Variants in SLC6A11 observed in about 807,000 individuals in gnomAD.
SLC6A11 encodes sodium- and chloride-dependent GABA transporter 3.
SLC6A11 carries 25 observed loss-of-function variants against 74.8 expected under a neutral mutation model. That is an observed-to-expected ratio of 0.33 (90% confidence interval 0.24 to 0.47). SLC6A11 has a LOEUF of 0.47. Among genes scored for constraint, SLC6A11 ranks in the 20% least tolerant of loss-of-function variants. The pLI, the probability that SLC6A11 is intolerant of heterozygous loss-of-function variation, is 1.00. For synonymous variants in SLC6A11, 330 were observed against 330.2 expected (o/e 1.00, Z 0.01); for missense variants, 574 against 837.0 (o/e 0.69, Z 3.88).
At position 10,874,917 on chromosome 3, in the gene SLC6A11, G is replaced by C. The variant is rs1398169695; in HGVS notation, c.757-44G>C. 3 of 1,561,040 alleles carry C rather than the reference G, an allele frequency of 1.9e-6. No individual in the cohort carries two copies. In the African/African-American group the frequency reaches 4.1e-5, roughly 21 times the overall value. On this transcript the variant is annotated intron_variant, in intron 5 of 13. Coordinates refer to ENST00000254488, the MANE Select transcript of SLC6A11 (RefSeq NM_014229.3). ...TTGTGCTGAGTGAAGTAACCCCATTGCTCTCACCCCCTTCTTGATTCTGTC... is the reference window on the plus strand; with the variant it reads ...TTGTGCTGAGTGAAGTAACCCCATTCCTCTCACCCCCTTCTTGATTCTGTC...
rs1337715102 is a variant in SLC6A11, at chr3:10,816,552, G to A, written c.256+31G>A. On this transcript the variant is annotated intron_variant, in intron 1 of 13. Transcript: ENST00000254488. This position sits in a 1 kb window ranked among gnomAD's most constrained non-coding sequence, Gnocchi z 4.2. ...GTGATAGTGAGGAGAAGGGGAGGGG[G>A]CGCCAACCGCCCGGTGGGGGCGGGG... is the stretch of plus-strand genomic sequence containing the variant. The A allele has an allele frequency of 1.3e-6, 2 of 1,537,558 alleles. No individual in the cohort carries two copies. Among genetic ancestry groups the A allele is most frequent in the South Asian group, 1.2e-5 (1 of 81,748 alleles).
intron 6 of SLC6A11, among the ~76,000 whole-genome samples, chr3:10,885,013 G>C (rs1237224283): frequency 1.3e-5 from 2 of 152,142 alleles, no homozygotes; most frequent in African/African-American, 4.8e-5. Context: ...CCTCCTCCGA[G>C]TGAATAGAAT....
At chr3:10,896,397 CA>C in intron 6 of SLC6A11, among the ~76,000 whole-genome samples, 1 of 152,262 alleles carries the variant, frequency 6.6e-6, no homozygotes, top group Non-Finnish European at 1.5e-5. Context: ...AACCTAGTCT[CA>C]TTTTGTCTTC....
At chr3:10,929,714 C>T (rs544215081) in intron 10 of SLC6A11, among the ~76,000 whole-genome samples, 1 of 152,264 alleles carries the variant, frequency 6.6e-6, no homozygotes, top group South Asian at 2.1e-4. Context: ...TGAGTGGTCT[C>T]ACGTTCAAAG....
intron 8 of SLC6A11, among the ~76,000 whole-genome samples, chr3:10,923,894 T>C (rs1328431004): frequency 6.6e-6 from 1 of 152,060 alleles, no homozygotes; most frequent in Non-Finnish European, 1.5e-5. Flanking sequence ...AGAAAGGATA[T>C]AACATCACTG....
intron 10 of SLC6A11, among the ~76,000 whole-genome samples, chr3:10,930,144 G>A (rs1277525559): frequency 6.6e-6 from 1 of 152,188 alleles, no homozygotes; most frequent in South Asian, 2.1e-4. Flanking sequence ...AAGCATTTGG[G>A]TTCATGCCAC....
intron 7 of SLC6A11, among the ~76,000 whole-genome samples, chr3:10,913,053 CTTT>C (rs374019258): frequency 2.2e-5 from 3 of 136,162 alleles, no homozygotes; most frequent in Non-Finnish European, 3.1e-5. Flanking sequence ...GGAAGGTTGC[CTTT>C]TTTTTTTTTT....
chr3:10,931,986 C>G (rs188123904), intron 10 of SLC6A11, among the ~76,000 whole-genome samples: 1 of 152,180 alleles, frequency 6.6e-6, no homozygotes, highest in African/African-American at 2.4e-5. Flanking sequence ...CATTCCAGCC[C>G]CCTAATGCAC....
chr3:10,831,188 AT>A (rs201094893), intron 4 of SLC6A11, among the ~76,000 whole-genome samples: 3 of 150,942 alleles, frequency 2.0e-5, no homozygotes, highest in East Asian at 3.9e-4. Context: ...TCAAGTCCCC[AT>A]TTTTTTTTCT....
intron 5 of SLC6A11, among the ~76,000 whole-genome samples, chr3:10,853,246 C>T (rs1694598590): frequency 6.6e-6 from 1 of 152,162 alleles, no homozygotes; most frequent in Non-Finnish European, 1.5e-5. Flanking sequence ...CTGCCTTGGA[C>T]AGATGTGGCA....
At chr3:10,859,739 A>C (rs1036870871) in intron 5 of SLC6A11, among the ~76,000 whole-genome samples, 1 of 152,204 alleles carries the variant, frequency 6.6e-6, no homozygotes, top group African/African-American at 2.4e-5. Context: ...AGAAACCTCT[A>C]ATATGCCATA....
At chr3:10,841,189 A>G (rs1427390165) in intron 4 of SLC6A11, among the ~76,000 whole-genome samples, 4 of 152,186 alleles carry the variant, frequency 2.6e-5, no homozygotes, top group African/African-American at 9.6e-5. Flanking sequence ...CGCTCCCTGA[A>G]CAGTGTCGGG....
At chr3:10,817,445 G>T (rs560227434) in intron 1 of SLC6A11, among the ~76,000 whole-genome samples, 2 of 152,284 alleles carry the variant, frequency 1.3e-5, no homozygotes, top group Admixed American at 1.3e-4. Flanking sequence ...CAGCCTTCAG[G>T]ACCCCCTCCT....
At chr3:10,930,532 CCTCACTTCTCCCCACT>C (rs1248612502) in intron 10 of SLC6A11, among the ~76,000 whole-genome samples, 5 of 152,190 alleles carry the variant, frequency 3.3e-5, no homozygotes, top group African/African-American at 9.7e-5. Flanking sequence ...CCAGTTTCCA[CCTCACTTCTCCCCACT>C]CGGAGAAACC....
intron 10 of SLC6A11, among the ~76,000 whole-genome samples, chr3:10,929,880 T>C (rs897491291): frequency 1.3e-5 from 2 of 152,098 alleles, no homozygotes; most frequent in African/African-American, 4.8e-5. Context: ...ACCTCCAAAT[T>C]AAGACCATCT....
intron 5 of SLC6A11, among the ~76,000 whole-genome samples, chr3:10,873,874 T>C (rs1328745744): frequency 2.0e-5 from 3 of 152,236 alleles, no homozygotes; most frequent in African/African-American, 7.2e-5. Flanking sequence ...TATCCTATGC[T>C]ATGTTATCCT....
At chr3:10,851,555 G>T (rs1034941142) in intron 5 of SLC6A11, among the ~76,000 whole-genome samples, 7 of 152,188 alleles carry the variant, frequency 4.6e-5, no homozygotes, top group African/African-American at 1.7e-4. Flanking sequence ...AGATCGTGTT[G>T]TCTGGAGGAT....
intron 6 of SLC6A11, among the ~76,000 whole-genome samples, chr3:10,894,518 G>A (rs1441525641): frequency 6.6e-6 from 1 of 152,224 alleles, no homozygotes; most frequent in Non-Finnish European, 1.5e-5. Flanking sequence ...AGACGAAAGT[G>A]AGCAGCAGCC....
At chr3:10,896,199 C>A (rs1435059376) in intron 6 of SLC6A11, among the ~76,000 whole-genome samples, 1 of 152,238 alleles carries the variant, frequency 6.6e-6, no homozygotes, top group African/African-American at 2.4e-5. Context: ...GGGGAGGAGA[C>A]AGTCAGGGCC....
Sources: gnomAD v4.1 joint callset for allele counts (sites outside exome capture counted in the v4.1 genomes callset) on GRCh38, gnomAD v4.1.1 for gene constraint, Gnocchi (gnomAD v3.1) non-coding constraint, MANE v1.5 for transcripts, NCBI Gene and HGNC (gene_info 2026-07-23, HGNC 2026-07-21) for gene names.